The following P2RX3 variants were observed in gnomAD, a reference collection of about 807,000 sequenced individuals.
The protein encoded by P2RX3 is purinergic receptor P2X 3, also known as P2X purinoceptor 3.
A neutral mutation model predicts 51.5 loss-of-function variants in P2RX3; 41 were observed. The observed-to-expected ratio is 0.80, with a 90% CI of 0.62 to 1.03. The LOEUF (loss-of-function observed/expected upper bound fraction) is 1.03, where lower values mean the gene tolerates loss of function less well. Among genes scored for constraint, P2RX3 ranks in the 50% least tolerant of loss-of-function variants. P2RX3 has a pLI of 0.00. For synonymous variants in P2RX3, 185 were observed against 191.6 expected, an observed-to-expected ratio of 0.97 and a Z score of 0.29; for missense variants, 459 against 522.1, an observed-to-expected ratio of 0.88 and a Z score of 1.18.
chr11:57,355,776 A>G (rs563358199), intron 8 of P2RX3, among the ~76,000 whole-genome samples: 1 of 152,370 alleles, frequency 6.6e-6, no homozygotes, highest in East Asian at 1.9e-4. Flanking sequence ...CAGGGAATTA[A>G]CATCTGGGAC....
chr11:57,341,320 A>G (rs1046328760), intron 1 of P2RX3, among the ~76,000 whole-genome samples: 1 of 152,128 alleles, frequency 6.6e-6, no homozygotes, highest in African/African-American at 2.4e-5. Context: ...TGATACTTCA[A>G]TCTCTTCCCC....
chr11:57,358,067 C>T (rs1019194547), intron 8 of P2RX3, among the ~76,000 whole-genome samples: 10 of 152,288 alleles, frequency 6.6e-5, no homozygotes, highest in Non-Finnish European at 1.5e-4. Context: ...CATTTCTAAA[C>T]AGATGTCTGA....
At chr11:57,348,358 T>A in intron 5 of P2RX3, 95 bp downstream of exon 5, 1 of 1,195,448 alleles carries the variant, frequency 8.4e-7, no homozygotes, top group Non-Finnish European at 1.2e-6. Context: ...GAGGAGGGTC[T>A]GTGGCTTTCT....
At chr11:57,369,741 G>A (rs1368256036) in intron 11 of P2RX3, 143 bp from the exon 12 acceptor site, 2 of 678,918 alleles carry the variant, frequency 2.9e-6, no homozygotes, top group Non-Finnish European at 5.3e-6. Context: ...GGGTACATGG[G>A]AGGGGCCTTG....
chr11:57,370,635 G>A lies in P2RX3; in HGVS notation c.*638G>A, dbSNP rs1856871497. 2.0e-5 allele frequency: 3 copies of A among 152,212 alleles called. No homozygotes were observed. In the East Asian group the frequency reaches 5.8e-4, roughly 29 times the overall value. 9.4% of individuals were successfully genotyped at this position (152,212 alleles called of 1,614,324 possible). On this transcript the variant is annotated 3_prime_UTR_variant, in exon 12 of 12. Transcript: ENST00000263314. ...CCAGCAACAAAGTTTGCATTTTAGG[G>A]AGACTGGTTAGACAGTGGTGAGGGA...
intron 4 of P2RX3, among the ~76,000 whole-genome samples, chr11:57,347,899 C>T (rs1361429790): frequency 6.6e-6 from 1 of 152,246 alleles, no homozygotes; most frequent in East Asian, 1.9e-4. Context: ...ACAGCTGCAG[C>T]ACAGACTCAG....
intron 1 of P2RX3, among the ~76,000 whole-genome samples, chr11:57,346,263 A>G (rs965508746): frequency 1.3e-5 from 2 of 152,242 alleles, no homozygotes; most frequent in Non-Finnish European, 2.9e-5. Context: ...CATACAGTAC[A>G]TAAACAGATA....
At chr11:57,349,945 G>T (rs932008202) in intron 7 of P2RX3, 47 bp downstream of exon 7, 4 of 1,608,454 alleles carry the variant, frequency 2.5e-6, no homozygotes, top group Non-Finnish European at 3.4e-6. Flanking sequence ...CCCACCTTCA[G>T]CCCTTTCCCA....
At chr11:57,340,410 T>C (rs780671512) in intron 1 of P2RX3, 1 of 152,306 alleles carries the variant, frequency 6.6e-6, no homozygotes, top group Non-Finnish European at 1.5e-5. Context: ...ACCCCATCCA[T>C]CTCCTAGCCT....
At chr11:57,337,481 A>C (rs914628860), upstream of P2RX3, among the ~76,000 whole-genome samples, 1 of 152,106 alleles carries the variant, frequency 6.6e-6, no homozygotes, top group African/African-American at 2.4e-5. Context: ...GTGGAATACT[A>C]TGCAGCTGTA....
At chr11:57,336,095 G>T (rs1856215475), upstream of P2RX3, among the ~76,000 whole-genome samples, 1 of 152,164 alleles carries the variant, frequency 6.6e-6, no homozygotes, top group African/African-American at 2.4e-5. Context: ...AAGAGAAATT[G>T]TGTAGTTTTA....
intron 8 of P2RX3, among the ~76,000 whole-genome samples, chr11:57,357,396 C>T (rs1408848043): frequency 6.6e-6 from 1 of 152,162 alleles, no homozygotes; most frequent in Non-Finnish European, 1.5e-5. Flanking sequence ...ATCTACCTGT[C>T]CAAGGCCACA....
intron 1 of P2RX3, among the ~76,000 whole-genome samples, chr11:57,344,098 A>G (rs909379026): frequency 3.9e-5 from 6 of 152,248 alleles, no homozygotes; most frequent in Admixed American, 3.3e-4. Context: ...GGCGGTATGC[A>G]TGAGAGCATT....
At chr11:57,346,447 A>C in intron 1 of P2RX3, 97 bp from the exon 2 acceptor site, 2 of 1,464,626 alleles carry the variant, frequency 1.4e-6, no homozygotes. Flanking sequence ...CCTGCCAGGC[A>C]TGGCCAAGTG....
chr11:57,368,308 G>A (rs987426492), intron 9 of P2RX3, 64 bp from the exon 10 acceptor site: 1 of 1,569,888 alleles, frequency 6.4e-7, no homozygotes, highest in Non-Finnish European at 8.8e-7. Flanking sequence ...GCCACGTGCA[G>A]CCTCGGGCCT....
At chr11:57,340,230 G>A (rs1590619931) in intron 1 of P2RX3, among the ~76,000 whole-genome samples, 1 of 152,252 alleles carries the variant, frequency 6.6e-6, no homozygotes, top group Middle Eastern at 3.4e-3. Context: ...GGCTCCACTG[G>A]CTCCAGGCAG....
chr11:57,346,963 C>A (rs750193012), intron 2 of P2RX3, among the ~76,000 whole-genome samples, 153 bp from the exon 3 acceptor site: 4 of 152,210 alleles, frequency 2.6e-5, no homozygotes, highest in African/African-American at 4.8e-5. Context: ...TGCAAAGAGC[C>A]AGCTCTGCCC....
At chr11:57,350,646 C>T in intron 7 of P2RX3, 116 bp from the exon 8 acceptor site, 1 of 1,417,094 alleles carries the variant, frequency 7.1e-7, no homozygotes, top group Admixed American at 2.0e-5. Flanking sequence ...GCCTCCGTCT[C>T]CCACCTGGAG....
intron 9 of P2RX3, 88 bp downstream of exon 9, chr11:57,368,190 G>GGGGTCT: frequency 7.0e-7 from 1 of 1,424,864 alleles, no homozygotes; most frequent in Non-Finnish European, 9.9e-7. Context: ...CTGGGGGGCA[G>GGGGTCT]GGGTCTGCTG....
Sources: allele counts gnomAD v4.1 joint callset (sites outside exome capture counted in the v4.1 genomes callset), GRCh38; gene constraint gnomAD v4.1.1; transcripts MANE v1.5; gene names NCBI Gene and HGNC (gene_info 2026-07-23, HGNC 2026-07-21).